The following FGFR1OP2 variants were observed in gnomAD, a reference collection of about 807,000 sequenced individuals.
FGFR1OP2 encodes fibroblast growth factor receptor 1 oncogene partner 2.
Under a neutral mutation model 35.2 loss-of-function variants are expected in FGFR1OP2, and 17 were observed. The ratio of observed to expected loss-of-function variants is 0.48; its 90% CI spans 0.33 to 0.73. The LOEUF (loss-of-function observed/expected upper bound fraction) is 0.73. Among genes scored for constraint, FGFR1OP2 ranks in the 30% least tolerant of loss-of-function variants. The pLI, the probability that FGFR1OP2 is intolerant of heterozygous loss-of-function variation, is 0.02. For missense variants in FGFR1OP2, 251 were observed against 307.3 expected, an observed-to-expected ratio of 0.82 and a Z score of 1.37; for synonymous variants, 105 against 104.6, an observed-to-expected ratio of 1.00 and a Z score of -0.03.
intron 1 of FGFR1OP2, among the ~76,000 whole-genome samples, chr12:26,951,122 C>G (rs546704700): frequency 1.3e-5 from 2 of 152,022 alleles, no homozygotes; most frequent in African/African-American, 4.8e-5. Flanking sequence ...GGAAGCTAAA[C>G]CTTAGCTGCT....
In FGFR1OP2 at chr12:26,965,407, A is replaced by C. The variant is rs1592256164; in HGVS notation, c.*674A>C. On this transcript the variant is annotated 3_prime_UTR_variant, in exon 7 of 7. Transcript: ENST00000229395. ...GAAGGAATACTACTTTCTAAGAAAGAAGATCTTATAATAGACATATTTAGT... is the reference window on the plus strand; with the variant it reads ...GAAGGAATACTACTTTCTAAGAAAGCAGATCTTATAATAGACATATTTAGT... 1 of 152,594 alleles carries C rather than the reference A, an allele frequency of 6.6e-6. No individual in the cohort carries two copies. Among genetic ancestry groups the C allele is most frequent in the Admixed American group, 6.5e-5 (1 of 15,276 alleles). The allele number at this position is 152,594 out of a possible 1,614,324, so 9.5% of individuals were successfully genotyped here.
Position 26,964,670 on chromosome 12 carries a change from G to A in FGFR1OP2, c.699G>A (p.Ala233=), listed in dbSNP as rs754165625. Residue 233 remains alanine (A), a synonymous_variant, in exon 7 of 7, where the codon GCG becomes GCA. Transcript: ENST00000229395. ...TTTTGAACCTAAGGAAAGATGATGCGTCGGAAAGTACTTCTTTGTCAGCAT... is the reference window on the plus strand; with the variant it reads ...TTTTGAACCTAAGGAAAGATGATGCATCGGAAAGTACTTCTTTGTCAGCAT... ...ESFLNLRKDD[A]SESTSLSALV... is the part of the protein sequence containing the mutation. The A allele has an allele frequency of 2.8e-5, 45 of 1,612,364 alleles. No individual in the cohort carries two copies. The East Asian group carries it at 7.6e-4, about 27-fold the overall frequency.
chr12:26,954,227 C>T lies in FGFR1OP2; in HGVS notation c.69C>T (p.Asp23=), dbSNP rs747011880. 48 of 1,612,358 alleles carry T rather than the reference C, an allele frequency of 3.0e-5. No homozygotes were observed. Among genetic ancestry groups the T allele is most frequent in the Non-Finnish European group, 3.6e-5 (43 of 1,179,014 alleles). Residue 23 remains aspartate (D), a synonymous_variant, in exon 2 of 7, where the codon GAC becomes GAT. Coordinates refer to ENST00000229395, the MANE Select transcript of FGFR1OP2 (RefSeq NM_015633.3). The stretch of plus-strand genomic sequence containing the variant: ...TTGTTGAAAGATTAAGAGATCATGA[C>T]GATGCAGCAGAATCTCTGATTGAGC... ...KALVERLRDH[D]DAAESLIEQT...
At chr12:26,947,776 G>A (rs1231697433) in intron 1 of FGFR1OP2, among the ~76,000 whole-genome samples, 2 of 152,032 alleles carry the variant, frequency 1.3e-5, no homozygotes, top group African/African-American at 2.4e-5. Context: ...CTGATCATCT[G>A]TCTTAATCTT....
At chr12:26,939,706 T>C (rs1161945208) in intron 1 of FGFR1OP2, among the ~76,000 whole-genome samples, 1 of 152,230 alleles carries the variant, frequency 6.6e-6, no homozygotes, top group Non-Finnish European at 1.5e-5. Flanking sequence ...TAGGTTGTAT[T>C]ATTTGTTTCT....
At chr12:26,963,303 G>T (rs1372834881) in intron 5 of FGFR1OP2, 39 bp from the exon 6 acceptor site, 2 of 1,377,478 alleles carry the variant, frequency 1.5e-6, no homozygotes, top group Non-Finnish European at 2.0e-6. Context: ...AAATAAAAAA[G>T]TATTTTGCTG....
chr12:26,939,367 A>AG (rs537882167), intron 1 of FGFR1OP2, among the ~76,000 whole-genome samples: 237 of 147,262 alleles, frequency 1.6e-3, no homozygotes, highest in Non-Finnish European at 2.2e-3. Flanking sequence ...TAAACTTTTT[A>AG]GTAACCGTAT....
intron 1 of FGFR1OP2, among the ~76,000 whole-genome samples, chr12:26,951,615 C>T (rs1476678579): frequency 6.6e-6 from 1 of 152,136 alleles, no homozygotes; most frequent in African/African-American, 2.4e-5. Context: ...CCACTGCGCC[C>T]AGCCCAAGGT....
rs1938625867 is a variant in FGFR1OP2, at chr12:26,938,675, C to T, written c.-50C>T. 1 of 152,448 alleles carries T rather than the reference C, an allele frequency of 6.6e-6. No homozygotes were observed. Among genetic ancestry groups the T allele is most frequent in the Admixed American group, 6.5e-5 (1 of 15,284 alleles). The allele number at this position is 152,448 out of a possible 1,614,324, so 9.4% of individuals were successfully genotyped here. On this transcript the variant is annotated 5_prime_UTR_variant, in exon 1 of 7. Coordinates refer to ENST00000229395, the MANE Select transcript of FGFR1OP2 (RefSeq NM_015633.3). Reference sequence around the variant, plus strand: ...GTTGGTAGAGGGTTTGAGTCCGCATCGCCACAGCTGAAGGCTGCGAGGGAC... The same window carrying T: ...GTTGGTAGAGGGTTTGAGTCCGCATTGCCACAGCTGAAGGCTGCGAGGGAC...
At chr12:26,947,099 A>G (rs1269269449) in intron 1 of FGFR1OP2, among the ~76,000 whole-genome samples, 7 of 151,940 alleles carry the variant, frequency 4.6e-5, no homozygotes, top group Admixed American at 4.6e-4. Context: ...TGCTGTGAAC[A>G]TTCATGTACA....
chr12:26,952,089 T>C (rs901517830), intron 1 of FGFR1OP2, among the ~76,000 whole-genome samples: 2 of 44,948 alleles, frequency 4.4e-5, no homozygotes, highest in Non-Finnish European at 8.3e-5. Context: ...TGCCCGTCCT[T>C]TTTTTTTTTT....
At chr12:26,943,375 G>T (rs1421758561) in intron 1 of FGFR1OP2, among the ~76,000 whole-genome samples, 1 of 152,098 alleles carries the variant, frequency 6.6e-6, no homozygotes, top group Non-Finnish European at 1.5e-5. Context: ...AAAACAAATA[G>T]TTTCTTCAAC....
At chr12:26,949,681 C>T (rs1013451019) in intron 1 of FGFR1OP2, among the ~76,000 whole-genome samples, 7 of 152,014 alleles carry the variant, frequency 4.6e-5, no homozygotes, top group Admixed American at 6.6e-5. Flanking sequence ...CGGGTTCAAG[C>T]GATTCTCCTG....
intron 1 of FGFR1OP2, among the ~76,000 whole-genome samples, chr12:26,952,087 C>CTTTTT (rs34270981): frequency 3.4e-5 from 4 of 117,198 alleles, no homozygotes; most frequent in African/African-American, 6.5e-5. Flanking sequence ...AGTGCCCGTC[C>CTTTTT]TTTTTTTTTT....
At chr12:26,952,560 A>G (rs560812835) in intron 1 of FGFR1OP2, among the ~76,000 whole-genome samples, 1 of 152,204 alleles carries the variant, frequency 6.6e-6, no homozygotes, top group East Asian at 1.9e-4. Context: ...TATATTGGAC[A>G]TTTTCTAAAT....
intron 4 of FGFR1OP2, 148 bp from the exon 5 acceptor site, chr12:26,960,367 T>G (rs892536890): frequency 1.1e-5 from 5 of 454,634 alleles, no homozygotes; most frequent in Admixed American, 3.7e-5. Flanking sequence ...ATACTAATTT[T>G]CATGTTATTT....
chr12:26,963,716 T>A (rs1369597794), intron 6 of FGFR1OP2, among the ~76,000 whole-genome samples: 2 of 152,144 alleles, frequency 1.3e-5, no homozygotes, highest in East Asian at 3.8e-4. Flanking sequence ...TGAATGTACT[T>A]CTTCAATTGA....
chr12:26,956,501 TTTGC>T, intron 2 of FGFR1OP2, 38 bp from the exon 3 acceptor site: 9 of 535,450 alleles, frequency 1.7e-5, no homozygotes, highest in East Asian at 4.7e-5. Context: ...TATATATATA[TTTGC>T]AGGTATTTTC....
chr12:26,951,277 A>T (rs139764745), intron 1 of FGFR1OP2, among the ~76,000 whole-genome samples: 2,341 of 151,776 alleles, frequency 0.015, 30 homozygotes, highest in Non-Finnish European at 0.025. Flanking sequence ...CCTCCCAAAT[A>T]GCTGGGATTA....
Sources: gnomAD v4.1 joint callset for allele counts (sites outside exome capture counted in the v4.1 genomes callset) on GRCh38, gnomAD v4.1.1 for gene constraint, MANE v1.5 for transcripts, NCBI Gene and HGNC (gene_info 2026-07-23, HGNC 2026-07-21) for gene names.